The following DLGAP2 variants were observed in gnomAD, a reference collection of about 807,000 sequenced individuals.
DLGAP2 encodes disks large-associated protein 2.
A neutral mutation model predicts 100.3 loss-of-function variants in DLGAP2; 26 were observed. The observed-to-expected ratio is 0.26, with a 90% CI of 0.19 to 0.36. The LOEUF is 0.36. Among genes scored for constraint, DLGAP2 ranks in the 10% least tolerant of loss-of-function variants. The pLI is 1.00. For missense variants in DLGAP2, 1,858 were observed against 1,453.2 expected (o/e 1.28, Z -4.53); for synonymous variants, 886 against 630.1 (o/e 1.41, Z -6.08).
At chr8:1,220,908 T>C (rs539781109) in intron 2 of DLGAP2, among the ~76,000 whole-genome samples, 19 of 152,270 alleles carry the variant, frequency 1.2e-4, no homozygotes, top group Non-Finnish European at 2.4e-4. Context: ...TTTTCTGAAA[T>C]AAGAATAGCA....
intron 1 of DLGAP2, among the ~76,000 whole-genome samples, chr8:834,209 C>G (rs117081225): frequency 6.6e-6 from 1 of 152,206 alleles, no homozygotes; most frequent in Admixed American, 6.5e-5. Context: ...CATGGGCTGA[C>G]GAGTCCCAGT....
intron 2 of DLGAP2, among the ~76,000 whole-genome samples, chr8:949,699 C>T (rs758380349): frequency 4.6e-5 from 7 of 152,106 alleles, no homozygotes; most frequent in Non-Finnish European, 1.0e-4. Context: ...GCAGTGTCCC[C>T]GGTTGTCCTC....
intron 4 of DLGAP2, among the ~76,000 whole-genome samples, chr8:1,524,187 C>T (rs1051199781): frequency 2.6e-5 from 4 of 152,062 alleles, no homozygotes; most frequent in East Asian, 1.9e-4. Context: ...TCAGGGTGTG[C>T]GTCGGGGTCA....
In DLGAP2 at chr8:1,561,923, C is replaced by T. The variant is rs1392489577; in HGVS notation, c.1231-3760C>T. ...GGGGACTGTGTGGAGTTGGGGTGTC[C>T]GCGCCTCGTTGCTGCGGGACTGTGT... On this transcript the variant is annotated intron_variant, in intron 5 of 14. Transcript: ENST00000637795. Among the ~76,000 whole-genome samples the T allele has an allele frequency of 3.6e-5, 2 of 56,300 alleles. 1 individual carries two copies. Among genetic ancestry groups the T allele is most frequent in the Non-Finnish European group, 6.6e-5 (2 of 30,092 alleles). 36.9% of individuals were successfully genotyped at this position (56,300 alleles called of 152,430 possible).
chr8:1,274,431 TAGA>T (rs1447935062), intron 3 of DLGAP2, among the ~76,000 whole-genome samples: 1 of 151,074 alleles, frequency 6.6e-6, no homozygotes, highest in Non-Finnish European at 1.5e-5. Flanking sequence ...GGATTTGTTT[TAGA>T]ACATAAACCA....
intron 6 of DLGAP2, among the ~76,000 whole-genome samples, chr8:1,607,417 C>G (rs1309464638): frequency 6.6e-6 from 1 of 152,196 alleles, no homozygotes; most frequent in South Asian, 2.1e-4. Flanking sequence ...AAGTCACTGT[C>G]CTTTCTCAAA....
chr8:1,364,213 C>T (rs1478400776), intron 3 of DLGAP2, among the ~76,000 whole-genome samples: 1 of 152,286 alleles, frequency 6.6e-6, no homozygotes, highest in East Asian at 1.9e-4. Flanking sequence ...CGGACGGTGC[C>T]CCCGGGCTGG....
At chr8:1,341,211 G>A (rs893081370) in intron 3 of DLGAP2, among the ~76,000 whole-genome samples, 4 of 152,096 alleles carry the variant, frequency 2.6e-5, no homozygotes, top group African/African-American at 7.2e-5. Flanking sequence ...AGACACCTGC[G>A]CATGGACCCC....
At chr8:1,427,652 G>C (rs1457676567) in intron 3 of DLGAP2, among the ~76,000 whole-genome samples, 1 of 152,168 alleles carries the variant, frequency 6.6e-6, no homozygotes, top group African/African-American at 2.4e-5. Flanking sequence ...TGTCTTGATA[G>C]TGAATGAGTC....
intron 1 of DLGAP2, among the ~76,000 whole-genome samples, chr8:900,127 T>C (rs1268890184): frequency 3.9e-5 from 6 of 152,022 alleles, no homozygotes; most frequent in Non-Finnish European, 8.8e-5. Context: ...ACGGCGTCGC[T>C]CCTGGGTGGA....
chr8:1,293,314 G>T (rs1800101536), intron 3 of DLGAP2, among the ~76,000 whole-genome samples: 1 of 152,162 alleles, frequency 6.6e-6, no homozygotes, highest in African/African-American at 2.4e-5. Flanking sequence ...GCAGCAGCAG[G>T]CTGGGCTCCC....
intron 12 of DLGAP2, among the ~76,000 whole-genome samples, chr8:1,689,702 A>G (rs942049442): frequency 1.3e-5 from 2 of 152,148 alleles, no homozygotes; most frequent in African/African-American, 4.8e-5. Flanking sequence ...CCCGTGAGCC[A>G]GCTCAGGAAA....
chr8:1,232,523 C>T (rs1165449889), intron 2 of DLGAP2, among the ~76,000 whole-genome samples: 1 of 152,236 alleles, frequency 6.6e-6, no homozygotes, highest in Non-Finnish European at 1.5e-5. Flanking sequence ...TCTTGCATCA[C>T]TGTGCTGGGC....
At chr8:1,523,873 C>T (rs139500500) in intron 4 of DLGAP2, among the ~76,000 whole-genome samples, 10 of 152,292 alleles carry the variant, frequency 6.6e-5, no homozygotes, top group African/African-American at 2.4e-4. Flanking sequence ...AATTCAGTAA[C>T]CGCATAGAAT....
At chr8:1,553,872 T>C (rs566266001) in intron 5 of DLGAP2, among the ~76,000 whole-genome samples, 3 of 152,208 alleles carry the variant, frequency 2.0e-5, no homozygotes, top group Non-Finnish European at 4.4e-5. Context: ...AAAACACATC[T>C]TAAAAGTCCC....
At chr8:914,348 GA>G (rs1390085671) in intron 2 of DLGAP2, among the ~76,000 whole-genome samples, 1 of 152,076 alleles carries the variant, frequency 6.6e-6, no homozygotes, top group African/African-American at 2.4e-5. Context: ...CAGCTAAAGA[GA>G]AAAAAAGCCA....
At chr8:979,740 C>T (rs1029080550) in intron 2 of DLGAP2, among the ~76,000 whole-genome samples, 2 of 152,190 alleles carry the variant, frequency 1.3e-5, no homozygotes, top group African/African-American at 2.4e-5. Context: ...ATGTGCCAGT[C>T]CTTTCTCTTG....
In DLGAP2 at chr8:1,452,712, G is replaced by A. The variant is rs1798196300; in HGVS notation, c.107-48654G>A. ...GGGTTCTGCGCTGGGCAGCTGAGCT[G>A]TCGCCTCCACAGCAGCCGGGGTCAG... On this transcript the variant is annotated intron_variant, in intron 3 of 14. Transcript: ENST00000637795. 4.6e-5 allele frequency among the ~76,000 whole-genome samples: 7 copies of A among 152,236 alleles called. 1 individual carries two copies. The South Asian group carries it at 1.2e-3, about 27-fold the overall frequency.
intron 2 of DLGAP2, among the ~76,000 whole-genome samples, chr8:920,763 T>C (rs1798696947): frequency 6.6e-6 from 1 of 152,090 alleles, no homozygotes; most frequent in Non-Finnish European, 1.5e-5. Context: ...CCAGCCTGGG[T>C]GACAGAGCGG....
Sources: gnomAD v4.1 joint callset for allele counts (sites outside exome capture counted in the v4.1 genomes callset) on GRCh38, gnomAD v4.1.1 for gene constraint, MANE v1.5 for transcripts, NCBI Gene and HGNC (gene_info 2026-07-23, HGNC 2026-07-21) for gene names.